The following IFI16 variants were observed in gnomAD, a reference collection of about 807,000 sequenced individuals.
IFI16 encodes gamma-interferon-inducible protein 16.
Under a neutral mutation model 68.4 loss-of-function variants are expected in IFI16, and 49 were observed. The ratio of observed to expected loss-of-function variants is 0.72; its 90% CI spans 0.57 to 0.91. The LOEUF (loss-of-function observed/expected upper bound fraction) is 0.91. Among genes scored for constraint, IFI16 ranks in the 40% least tolerant of loss-of-function variants. IFI16 has a pLI of 0.00. For synonymous variants in IFI16, 307 were observed against 315.0 expected (o/e 0.97, Z 0.27); for missense variants, 878 against 942.9 (o/e 0.93, Z 0.90).
rs187743816 is a variant in IFI16, at chr1:159,041,752, G to A, written c.1330-3545G>A. On this transcript the variant is annotated intron_variant, in intron 7 of 11. Transcript: ENST00000295809. ...ATCCTGGTCCTGTGTAGGCTGAAATGTGGGCTGAGGAAACTAAAGTTATGT... is the reference window on the plus strand; with the variant it reads ...ATCCTGGTCCTGTGTAGGCTGAAATATGGGCTGAGGAAACTAAAGTTATGT... Among the ~76,000 whole-genome samples, 10 of 152,292 alleles carry A rather than the reference G, an allele frequency of 6.6e-5. No homozygotes were observed. The East Asian group carries it at 1.7e-3, about 26-fold the overall frequency.
upstream of IFI16, among the ~76,000 whole-genome samples, chr1:159,001,624 T>C (rs1371806191): frequency 1.3e-5 from 2 of 152,168 alleles, no homozygotes; most frequent in African/African-American, 4.8e-5. Flanking sequence ...AAATTTGCAT[T>C]TCCTGAGCAT....
upstream of IFI16, among the ~76,000 whole-genome samples, chr1:159,006,653 A>T (rs531458034): frequency 5.1e-4 from 77 of 152,274 alleles, no homozygotes; most frequent in African/African-American, 1.8e-3. Context: ...TCTTATTTAC[A>T]TGAGAAGCAA....
chr1:159,051,300 G>T (rs894836558), intron 9 of IFI16, among the ~76,000 whole-genome samples: 1 of 152,082 alleles, frequency 6.6e-6, no homozygotes, highest in Non-Finnish European at 1.5e-5. Context: ...TGGGTAGAAA[G>T]GAGTAAAACT....
chr1:159,019,993 A>T (rs1173571989), intron 5 of IFI16, among the ~76,000 whole-genome samples: 1 of 152,216 alleles, frequency 6.6e-6, no homozygotes, highest in East Asian at 1.9e-4. Flanking sequence ...GCAGATATCC[A>T]TTCTTTTTGC....
At chr1:159,011,502 T>C (rs1488896479) in intron 1 of IFI16, among the ~76,000 whole-genome samples, 2 of 151,982 alleles carry the variant, frequency 1.3e-5, no homozygotes, top group South Asian at 4.1e-4. Flanking sequence ...TACAAACAGG[T>C]ACACACATAT....
At position 159,010,791 on chromosome 1, in the gene IFI16, C is replaced by G. The variant is rs1652501547; in HGVS notation, c.-21+630C>G. 3.3e-5 allele frequency among the ~76,000 whole-genome samples: 5 copies of G among 152,180 alleles called. No individual in the cohort carries two copies. The South Asian group carries it at 1.0e-3, about 32-fold the overall frequency. On this transcript the variant is annotated intron_variant, in intron 1 of 11. Coordinates refer to ENST00000295809, the MANE Select transcript of IFI16 (RefSeq NM_001376587.1). ...AATCATTTTGGAATTACTCTCTGCCCTCCTGAAAGTTAATGATTTTTTTTT... is the reference window on the plus strand; with the variant it reads ...AATCATTTTGGAATTACTCTCTGCCGTCCTGAAAGTTAATGATTTTTTTTT...
At position 159,020,432 on chromosome 1, in the gene IFI16, C is replaced by G. The variant is rs1288367509; in HGVS notation, c.1064C>G (p.Pro355Arg). 1.9e-6 allele frequency: 3 copies of G among 1,611,864 alleles called. No individual in the cohort carries two copies. The highest frequency in any genetic ancestry group is 3.3e-5 in the Admixed American group (2 of 59,990). The change falls in exon 6 of 12, where the codon CCC (proline) becomes CGC (arginine). Residue 355 changes from proline to arginine, a missense_variant. Physicochemically the swap from Pro to Arg is moderately radical, Grantham distance 103 (BLOSUM62 -2). Transcript: ENST00000295809. ...VVGTGQCHNI[P>R]CEEGDKLQLF... is the part of the protein sequence containing the mutation. ...GGGACAGGACAATGTCACAATATCC[C>G]CTGTGAAGAAGGAGATAAGCTCCAA...
chr1:159,016,846 T>G (rs1035322777), intron 4 of IFI16, 146 bp downstream of exon 4: 1 of 739,028 alleles, frequency 1.4e-6, no homozygotes, highest in Non-Finnish European at 2.3e-6. Flanking sequence ...GATCTTTTGC[T>G]TTCACAGGGA....
chr1:159,027,713 AT>A (rs1330836104), intron 6 of IFI16, among the ~76,000 whole-genome samples: 2 of 152,074 alleles, frequency 1.3e-5, no homozygotes. Flanking sequence ...ATCACTGCTT[AT>A]TATCACTCTG....
At chr1:159,027,576 A>G (rs1653751068) in intron 6 of IFI16, among the ~76,000 whole-genome samples, 1 of 147,996 alleles carries the variant, frequency 6.8e-6, no homozygotes, top group Non-Finnish European at 1.5e-5. Flanking sequence ...CTCTTTCTCT[A>G]TCTTGTGAAA....
intron 6 of IFI16, among the ~76,000 whole-genome samples, chr1:159,022,020 G>A (rs1653359265): frequency 7.9e-6 from 1 of 126,220 alleles, no homozygotes; most frequent in African/African-American, 2.9e-5. Flanking sequence ...CGGGAGTGCA[G>A]TGGCGCTATC....
At position 159,050,505 on chromosome 1, in the gene IFI16, G is replaced by T. The variant is rs535294395; in HGVS notation, c.1665+906G>T. On this transcript the variant is annotated intron_variant, in intron 9 of 11. Transcript: ENST00000295809. ...TATGGAAAATTGGCCACATTGATGAGTTCATTAGAGTTAAGTCCATCAGAG... is the reference window on the plus strand; with the variant it reads ...TATGGAAAATTGGCCACATTGATGATTTCATTAGAGTTAAGTCCATCAGAG... Among the ~76,000 whole-genome samples the T allele has an allele frequency of 2.0e-5, 3 of 152,262 alleles. No individual in the cohort carries two copies. The East Asian group carries it at 5.8e-4, about 29-fold the overall frequency.
Position 159,014,728 on chromosome 1 carries a change from C to G in IFI16, c.48C>G (p.Val16=). 4 of 1,606,410 alleles carry G rather than the reference C, an allele frequency of 2.5e-6. No homozygotes were observed. The highest frequency in any genetic ancestry group is 3.4e-6 in the Non-Finnish European group (4 of 1,173,340). The change falls in exon 2 of 12, where the codon GTC becomes GTG. Residue 16 remains valine, a synonymous_variant. Coordinates refer to ENST00000295809, the MANE Select transcript of IFI16 (RefSeq NM_001376587.1). ...KNIVLLKGLE[V]INDYHFRMVK... ...TTGTTCTACTAAAAGGATTAGAGGT[C>G]ATCAATGATTATCATTTTAGAATGG...
At position 159,052,003 on chromosome 1, in the gene IFI16, G is replaced by C. The variant is rs1179959058; in HGVS notation, c.1990G>C (p.Gly664Arg). Residue 664 changes from glycine to arginine, a missense_variant, in exon 10 of 12, where the codon GGA becomes CGA. Transcript: ENST00000295809. Reference protein sequence around the residue: ...NADRNMEIPKGLIRSASVTPK... With the variant: ...NADRNMEIPKRLIRSASVTPK... ...TGACCGAAACATGGAGATCCCAAAAGGATTGATTAGAAGTGCCAGCGTAAC... is the reference window on the plus strand; with the variant it reads ...TGACCGAAACATGGAGATCCCAAAACGATTGATTAGAAGTGCCAGCGTAAC... 1 of 1,614,016 alleles carries C rather than the reference G, an allele frequency of 6.2e-7. No homozygotes were observed.
chr1:159,039,468 C>A (rs1471864555), intron 7 of IFI16, among the ~76,000 whole-genome samples: 2 of 152,114 alleles, frequency 1.3e-5, no homozygotes, highest in Non-Finnish European at 2.9e-5. Context: ...CTCAGCCTCC[C>A]AAGTAGCTGG....
chr1:159,024,168 C>G (rs1653508040), intron 6 of IFI16, among the ~76,000 whole-genome samples: 1 of 152,166 alleles, frequency 6.6e-6, no homozygotes, highest in African/African-American at 2.4e-5. Context: ...GATATTTTGT[C>G]TTAATGGCTA....
At chr1:159,014,199 C>T (rs1324795481) in intron 1 of IFI16, among the ~76,000 whole-genome samples, 3 of 152,164 alleles carry the variant, frequency 2.0e-5, no homozygotes, top group Non-Finnish European at 4.4e-5. Flanking sequence ...CAGCATGAAA[C>T]TGTAGCGCTG....
At chr1:159,032,203 T>C (rs561825905) in intron 6 of IFI16, among the ~76,000 whole-genome samples, 6 of 152,242 alleles carry the variant, frequency 3.9e-5, no homozygotes, top group African/African-American at 1.4e-4. Context: ...TGTAGAAAGG[T>C]ATAGGAAAAT....
intron 8 of IFI16, among the ~76,000 whole-genome samples, chr1:159,048,731 T>C (rs1396365060): frequency 6.6e-6 from 1 of 151,622 alleles, no homozygotes; most frequent in Non-Finnish European, 1.5e-5. Flanking sequence ...GTGAATATTT[T>C]TTGGACTTCC....
Sources: gnomAD v4.1 joint callset for allele counts (sites outside exome capture counted in the v4.1 genomes callset) on GRCh38, gnomAD v4.1.1 for gene constraint, MANE v1.5 for transcripts, NCBI Gene and HGNC (gene_info 2026-07-23, HGNC 2026-07-21) for gene names.